Variants in C10orf90 observed in about 807,000 individuals in gnomAD.
C10orf90 encodes the protein chromosome 10 open reading frame 90, also known as (E2-independent) E3 ubiquitin-conjugating enzyme FATS.
A neutral mutation model predicts 62.5 loss-of-function variants in C10orf90; 56 were observed. The observed-to-expected ratio is 0.90, with a 90% confidence interval of 0.72 to 1.12. The LOEUF (loss-of-function observed/expected upper bound fraction) is 1.12. C10orf90 is among the 50% of genes most tolerant of loss of function. The probability of loss-of-function intolerance (pLI) is 0.00; values close to 1 mark genes in which losing one functional copy is unlikely to be tolerated. For synonymous variants in C10orf90, 386 were observed against 340.4 expected, an observed-to-expected ratio of 1.13 and a Z score of -1.47; for missense variants, 970 against 880.4, an observed-to-expected ratio of 1.10 and a Z score of -1.29.
chr10:126,522,779 T>C (rs1176460896), intron 2 of C10orf90: 2 of 152,230 alleles, frequency 1.3e-5, no homozygotes, highest in Admixed American at 1.3e-4. Flanking sequence ...GAATAATCAC[T>C]GTACATGATT....
intron 4 of C10orf90, among the ~76,000 whole-genome samples, chr10:126,485,484 C>T (rs892790160): frequency 1.3e-5 from 2 of 152,108 alleles, no homozygotes; most frequent in African/African-American, 4.8e-5. Context: ...CGATTAAACT[C>T]ATCTTTGAAT....
intron 2 of C10orf90, among the ~76,000 whole-genome samples, chr10:126,605,941 G>A (rs1845301892): frequency 6.6e-6 from 1 of 151,808 alleles, no homozygotes; most frequent in African/African-American, 2.4e-5. Context: ...AAAAAGAAAA[G>A]ACTGTCTGAA....
At position 126,453,798 on chromosome 10, in the gene C10orf90, G is replaced by A. The variant is rs376298810; in HGVS notation, c.2188+5242C>T. Among the ~76,000 whole-genome samples the A allele has an allele frequency of 1.3e-5, 2 of 152,142 alleles. No individual in the cohort carries two copies. The highest frequency in any genetic ancestry group is 2.9e-5 in the Non-Finnish European group (2 of 68,038). On this transcript the variant is annotated intron_variant, in intron 7 of 9. Coordinates refer to ENST00000488181, the MANE Select transcript of C10orf90 (RefSeq NM_001350921.2). This position sits in a 1 kb window ranked among gnomAD's most constrained non-coding sequence, Gnocchi z 4.9. ...GAATAAAAAGGCTGGACTTGAGAGGGGCTTGCAAGGTTAGGCAGGATTTTA... is the reference window on the plus strand; with the variant it reads ...GAATAAAAAGGCTGGACTTGAGAGGAGCTTGCAAGGTTAGGCAGGATTTTA...
intron 7 of C10orf90, among the ~76,000 whole-genome samples, chr10:126,457,342 G>GAAATCAGT (rs1406635450): frequency 6.6e-6 from 1 of 152,186 alleles, no homozygotes; most frequent in Admixed American, 6.5e-5. Flanking sequence ...GCAGCCCTAG[G>GAAATCAGT]AAATCAGTAC....
At chr10:126,558,057 G>A (rs897953049) in intron 2 of C10orf90, among the ~76,000 whole-genome samples, 19 of 152,006 alleles carry the variant, frequency 1.2e-4, no homozygotes, top group African/African-American at 4.4e-4. Flanking sequence ...CACTCTCCAG[G>A]CCTCACAGCA....
chr10:126,596,565 C>T (rs1255251617), intron 2 of C10orf90, among the ~76,000 whole-genome samples: 1 of 152,114 alleles, frequency 6.6e-6, no homozygotes, highest in Non-Finnish European at 1.5e-5. Flanking sequence ...TTCACCCAAC[C>T]TAGCAAACAT....
chr10:126,571,593 G>T (rs936123188), intron 2 of C10orf90, among the ~76,000 whole-genome samples: 1 of 152,162 alleles, frequency 6.6e-6, no homozygotes, highest in Admixed American at 6.5e-5. Flanking sequence ...TTCAAAGGAC[G>T]CAAATGAGGC....
intron 2 of C10orf90, among the ~76,000 whole-genome samples, chr10:126,600,159 C>A (rs143088803): frequency 6.6e-6 from 1 of 151,650 alleles, no homozygotes; most frequent in South Asian, 2.1e-4. Flanking sequence ...CAAGTGTGTG[C>A]GTATCGCATG....
At chr10:126,645,941 T>C (rs956777856) in intron 2 of C10orf90, among the ~76,000 whole-genome samples, 7 of 152,148 alleles carry the variant, frequency 4.6e-5, no homozygotes, top group Non-Finnish European at 1.0e-4. Flanking sequence ...AAAACATTCT[T>C]TTAGAATTGA....
At chr10:126,465,417 TTA>T (rs1397417994) in intron 4 of C10orf90, among the ~76,000 whole-genome samples, 3 of 150,978 alleles carry the variant, frequency 2.0e-5, no homozygotes, top group Non-Finnish European at 4.4e-5. Flanking sequence ...TTTATATAAT[TTA>T]TATGATTATA....
chr10:126,441,179 A>G (rs940891852), intron 7 of C10orf90, among the ~76,000 whole-genome samples: 1 of 152,202 alleles, frequency 6.6e-6, no homozygotes, highest in Non-Finnish European at 1.5e-5. Context: ...AATAGAAAGC[A>G]TAAAGAAAAA....
At chr10:126,588,991 G>A (rs893153317) in intron 2 of C10orf90, among the ~76,000 whole-genome samples, 11 of 152,276 alleles carry the variant, frequency 7.2e-5, no homozygotes, top group African/African-American at 2.6e-4. Flanking sequence ...AACCAGAATA[G>A]CCAGTTTAGA....
intron 4 of C10orf90, among the ~76,000 whole-genome samples, chr10:126,500,102 G>A (rs1225402020): frequency 1.3e-5 from 2 of 152,208 alleles, no homozygotes; most frequent in Non-Finnish European, 2.9e-5. Flanking sequence ...AAATGATATG[G>A]CTTATTACAT....
intron 2 of C10orf90, among the ~76,000 whole-genome samples, chr10:126,616,604 G>T (rs1031020056): frequency 3.9e-5 from 6 of 152,158 alleles, no homozygotes; most frequent in Admixed American, 3.9e-4. Context: ...GAGCAGCTTG[G>T]TCAGCAACAT....
chr10:126,579,253 A>G (rs1163662238), intron 2 of C10orf90, among the ~76,000 whole-genome samples: 2 of 135,408 alleles, frequency 1.5e-5, no homozygotes, highest in Admixed American at 7.6e-5. Context: ...TTACAAATCT[A>G]TATTTCTTTC....
At chr10:126,653,284 G>A (rs1334805071) in intron 1 of C10orf90, among the ~76,000 whole-genome samples, 1 of 152,184 alleles carries the variant, frequency 6.6e-6, no homozygotes, top group African/African-American at 2.4e-5. Context: ...GTTGTTTGGA[G>A]GCATTTCACC....
chr10:126,578,251 T>G (rs1045709308), intron 2 of C10orf90, among the ~76,000 whole-genome samples: 2 of 152,128 alleles, frequency 1.3e-5, no homozygotes, highest in African/African-American at 4.8e-5. Context: ...ACAAAGAATT[T>G]GTATCCAGAG....
intron 1 of C10orf90, among the ~76,000 whole-genome samples, chr10:126,657,379 C>T (rs559810880): frequency 1.2e-4 from 19 of 152,260 alleles, no homozygotes; most frequent in Admixed American, 3.9e-4. Flanking sequence ...TTGACAATTC[C>T]GGGTTCTTCA....
intron 2 of C10orf90, among the ~76,000 whole-genome samples, chr10:126,592,881 G>A (rs1478769244): frequency 4.6e-5 from 7 of 152,130 alleles, no homozygotes; most frequent in Admixed American, 1.3e-4. Flanking sequence ...GGCAAAGGAT[G>A]TGAACAGACA....
Sources: gnomAD v4.1 joint callset for allele counts (sites outside exome capture counted in the v4.1 genomes callset) on GRCh38, gnomAD v4.1.1 for gene constraint, Gnocchi (gnomAD v3.1) non-coding constraint, MANE v1.5 for transcripts, NCBI Gene and HGNC (gene_info 2026-07-23, HGNC 2026-07-21) for gene names.